ZZZ3: variants seen among roughly 807,000 people sequenced by gnomAD.
ZZZ3 encodes zinc finger ZZ-type containing 3.
In ZZZ3, 22 loss-of-function variants were observed where a neutral mutation model predicts 95.2. That is an observed-to-expected ratio of 0.23 (90% CI 0.17 to 0.33). The LOEUF (loss-of-function observed/expected upper bound fraction) is 0.33, where lower values mean the gene tolerates loss of function less well. Among genes scored for constraint, ZZZ3 ranks in the 10% least tolerant of loss-of-function variants. The probability of loss-of-function intolerance (pLI) is 1.00; values close to 1 mark genes in which losing one functional copy is unlikely to be tolerated. For synonymous variants in ZZZ3, 335 were observed against 358.9 expected (o/e 0.93, Z 0.75); for missense variants, 885 against 1,066.5 (o/e 0.83, Z 2.37).
At chr1:77,598,229 T>C (rs1159726120) in intron 5 of ZZZ3, among the ~76,000 whole-genome samples, 1 of 152,196 alleles carries the variant, frequency 6.6e-6, no homozygotes, top group Admixed American at 6.5e-5. Context: ...TAATACATAC[T>C]ATATTCTTAA....
intron 9 of ZZZ3, chr1:77,580,751 T>G: frequency 3.3e-6 from 1 of 305,956 alleles, no homozygotes; most frequent in Non-Finnish European, 6.2e-6. Context: ...TGCCTCAGCC[T>G]CCCGAGTAGC....
intron 12 of ZZZ3, among the ~76,000 whole-genome samples, chr1:77,573,220 G>C (rs1332918552): frequency 3.3e-5 from 5 of 151,908 alleles, no homozygotes; most frequent in Non-Finnish European, 5.9e-5. Flanking sequence ...CCCGGGTTCA[G>C]GCAATTATCC....
intron 6 of ZZZ3, among the ~76,000 whole-genome samples, chr1:77,582,891 G>C (rs1296155005): frequency 3.3e-5 from 5 of 151,810 alleles, no homozygotes; most frequent in Non-Finnish European, 7.4e-5. Context: ...GGATCACTTC[G>C]GGTCAGGAGT....
intron 5 of ZZZ3, among the ~76,000 whole-genome samples, chr1:77,616,954 G>A (rs994631955): frequency 6.6e-6 from 1 of 152,082 alleles, no homozygotes; most frequent in Non-Finnish European, 1.5e-5. Context: ...TAAACTATAT[G>A]TTCTACTATA....
rs4032278 is a variant in ZZZ3, at chr1:77,639,065, C to CGGTAGGTA, written c.-52+376_-52+383dup. On this transcript the variant is annotated intron_variant, in intron 4 of 14. Coordinates refer to ENST00000370801, the MANE Select transcript of ZZZ3 (RefSeq NM_015534.6). ...GAGAAACTGATATATGACAGATGGT[C>CGGTAGGTA]GGTAGGTAGGTAGGTAGGTAGGTAG... Among the ~76,000 whole-genome samples, 509 of 150,964 alleles carry CGGTAGGTA rather than the reference C, an allele frequency of 3.4e-3. 9 individuals are homozygous for CGGTAGGTA. The highest frequency in any genetic ancestry group is 2.5e-3 in the South Asian group (12 of 4,764).
intron 1 of ZZZ3, among the ~76,000 whole-genome samples, chr1:77,644,901 G>GA (rs1250336324): frequency 6.6e-6 from 1 of 152,182 alleles, no homozygotes; most frequent in African/African-American, 2.4e-5. Context: ...ATCATACTTT[G>GA]AAAAAACTAC....
At chr1:77,616,800 G>A (rs1666361006) in intron 5 of ZZZ3, among the ~76,000 whole-genome samples, 1 of 152,160 alleles carries the variant, frequency 6.6e-6, no homozygotes, top group African/African-American at 2.4e-5. Flanking sequence ...CCAGGAGGCG[G>A]AGGTTGCAGT....
chr1:77,664,491 T>C (rs920433094), intron 1 of ZZZ3, among the ~76,000 whole-genome samples: 1 of 152,210 alleles, frequency 6.6e-6, no homozygotes, highest in Non-Finnish European at 1.5e-5. Context: ...AATAGAGCAA[T>C]ACATTTTTTA....
At chr1:77,613,931 CA>C (rs1265446956) in intron 5 of ZZZ3, among the ~76,000 whole-genome samples, 1 of 151,994 alleles carries the variant, frequency 6.6e-6, no homozygotes, top group Non-Finnish European at 1.5e-5. Context: ...ATAACAAATA[CA>C]AAACAGTTAA....
chr1:77,609,975 A>C (rs1317529314), intron 5 of ZZZ3, among the ~76,000 whole-genome samples: 2 of 152,020 alleles, frequency 1.3e-5, no homozygotes, highest in African/African-American at 4.8e-5. Flanking sequence ...ATCTTAAAGC[A>C]AGAGCAAACC....
chr1:77,642,762 T>C (rs896213725), intron 1 of ZZZ3, among the ~76,000 whole-genome samples: 1 of 151,722 alleles, frequency 6.6e-6, no homozygotes, highest in Non-Finnish European at 1.5e-5. Flanking sequence ...AAAAACAAAA[T>C]TTTTTTTAAT....
chr1:77,605,458 A>G (rs1010273600), intron 5 of ZZZ3, among the ~76,000 whole-genome samples: 1 of 152,178 alleles, frequency 6.6e-6, no homozygotes, highest in African/African-American at 2.4e-5. Context: ...TCTAGTTGTC[A>G]GCTGGGCTCG....
chr1:77,674,051 AG>A (rs1672030414), intron 1 of ZZZ3, among the ~76,000 whole-genome samples: 2 of 151,164 alleles, frequency 1.3e-5, no homozygotes, highest in Non-Finnish European at 2.9e-5. Flanking sequence ...ATAAGCCATC[AG>A]TGACATAAAT....
At position 77,629,227 on chromosome 1, in the gene ZZZ3, A is replaced by G. The variant is rs937316311; in HGVS notation, c.1505+2623T>C. ...TGACATGATCAAACACCCTCTCCCA[A>G]TTTTCCTTAAATTAGCTCTGAGATG... On this transcript the variant is annotated intron_variant, in intron 5 of 14. Coordinates refer to ENST00000370801, the MANE Select transcript of ZZZ3 (RefSeq NM_015534.6). Among the ~76,000 whole-genome samples the G allele has an allele frequency of 1.3e-5, 2 of 152,072 alleles. 1 individual carries two copies. The highest frequency in any genetic ancestry group is 4.1e-4 in the South Asian group (2 of 4,822).
intron 1 of ZZZ3, among the ~76,000 whole-genome samples, chr1:77,650,420 C>G (rs1166841212): frequency 6.6e-6 from 1 of 151,778 alleles, no homozygotes; most frequent in Non-Finnish European, 1.5e-5. Context: ...AAACTGTGAC[C>G]ACGATGAAAT....
intron 1 of ZZZ3, among the ~76,000 whole-genome samples, chr1:77,667,924 C>T (rs954938064): frequency 5.9e-5 from 9 of 151,742 alleles, no homozygotes; most frequent in African/African-American, 1.9e-4. Context: ...GCCACCACGC[C>T]CGGCTAATTT....
intron 11 of ZZZ3, 70 bp from the exon 12 acceptor site, chr1:77,576,290 C>T: frequency 7.9e-7 from 1 of 1,258,816 alleles, no homozygotes; most frequent in East Asian, 2.4e-5. Context: ...TATAAAAATA[C>T]AAATGTTACT....
rs1186408735 is a variant in ZZZ3 at position 77,582,080 on chromosome 1, T to C, written c.1691A>G (p.Glu564Gly). 1.7e-5 allele frequency: 28 copies of C among 1,613,274 alleles called. No individual in the cohort carries two copies. The highest frequency in any genetic ancestry group is 2.4e-5 in the Non-Finnish European group (28 of 1,179,724). ...ATGGGTATATTGGTCCCATACGATC[T>C]CAGGCAATTGAACAACTCTCTGTGG... ...PYPQRVVQLP[E>G]IVWDQYTHSL... is the part of the protein sequence containing the mutation. Residue 564 changes from glutamate to glycine, a missense_variant, in exon 7 of 15, where the codon GAG becomes GGG. Coordinates refer to ENST00000370801, the MANE Select transcript of ZZZ3 (RefSeq NM_015534.6).
chr1:77,590,905 AG>A (rs199869753), intron 5 of ZZZ3, among the ~76,000 whole-genome samples: 2,362 of 152,328 alleles, frequency 0.016, 26 homozygotes, highest in Middle Eastern at 0.031. Flanking sequence ...TAAGGGTAAA[AG>A]GAGAGAAAAT....
Sources: allele counts gnomAD v4.1 joint callset (sites outside exome capture counted in the v4.1 genomes callset), GRCh38; gene constraint gnomAD v4.1.1; transcripts MANE v1.5; gene names NCBI Gene and HGNC (gene_info 2026-07-23, HGNC 2026-07-21).